The following IGBP1C variants were observed in gnomAD, a reference collection of about 807,000 sequenced individuals.
IGBP1C encodes IGBP1 family member C.
At chr17:58,667,591 A>C in the IGBP1C span, among the ~76,000 whole-genome samples, 1 of 152,294 alleles carries the variant, frequency 6.6e-6, no homozygotes, top group African/African-American at 2.4e-5. Flanking sequence ...GGCATGACAA[A>C]GATTCTTTGC....
chr17:58,664,023 C>G, the IGBP1C span, among the ~76,000 whole-genome samples: 1 of 152,156 alleles, frequency 6.6e-6, no homozygotes, highest in African/African-American at 2.4e-5. Flanking sequence ...GAGTGAGACC[C>G]TGTCTTAACC....
the IGBP1C span, among the ~76,000 whole-genome samples, chr17:58,683,457 G>A: frequency 1.3e-5 from 2 of 150,444 alleles, no homozygotes; most frequent in Non-Finnish European, 3.0e-5. Context: ...GAATCTAGTA[G>A]ATTATTTAAA....
chr17:58,689,368 A>G, the IGBP1C span, among the ~76,000 whole-genome samples: 31 of 151,800 alleles, frequency 2.0e-4, no homozygotes, highest in Non-Finnish European at 4.0e-4. Flanking sequence ...CTATAGGCAC[A>G]CATCAACATG....
the IGBP1C span, chr17:58,660,899 G>A: frequency 1.2e-6 from 1 of 825,324 alleles, no homozygotes; most frequent in Non-Finnish European, 2.2e-6. Flanking sequence ...CTGGTGACAT[G>A]AGTTAGAAGT....
the IGBP1C span, among the ~76,000 whole-genome samples, chr17:58,690,957 G>A: frequency 2.0e-5 from 3 of 152,104 alleles, no homozygotes; most frequent in Non-Finnish European, 4.4e-5. Context: ...AGGCTGAAGG[G>A]ATCCTCCCAC....
the IGBP1C span, among the ~76,000 whole-genome samples, chr17:58,670,771 T>TCAAAAAAAAAAAAAAAAAAAAAAAA: frequency 8.8e-4 from 7 of 7,956 alleles, 3 homozygotes; most frequent in African/African-American, 9.2e-4. Flanking sequence ...AGACTCCCTC[T>TCAAAAAAAAAAAAAAAAAAAAAAAA]TAAAAAAAAA....
the IGBP1C span, chr17:58,691,861 G>C: frequency 6.6e-6 from 1 of 152,058 alleles, no homozygotes; most frequent in Non-Finnish European, 1.5e-5. Context: ...ACCACAAAAG[G>C]AGCTCTTGTG....
the IGBP1C span, among the ~76,000 whole-genome samples, chr17:58,664,037 C>T: frequency 2.2e-4 from 33 of 152,238 alleles, no homozygotes; most frequent in Admixed American, 9.2e-4. Context: ...CTTAACCGCT[C>T]CCCCAGCAAC....
the IGBP1C span, chr17:58,661,729 T>A: frequency 8.7e-6 from 5 of 573,986 alleles, no homozygotes; most frequent in African/African-American, 9.4e-5. Context: ...GCGGTGGCGT[T>A]GGGGGCGGCA....
At chr17:58,678,517 C>T in the IGBP1C span, among the ~76,000 whole-genome samples, 4 of 152,066 alleles carry the variant, frequency 2.6e-5, no homozygotes, top group Non-Finnish European at 5.9e-5. Flanking sequence ...GAGTTCATGT[C>T]CTTTGTAGGG....
At chr17:58,668,978 G>C in the IGBP1C span, among the ~76,000 whole-genome samples, 1 of 152,176 alleles carries the variant, frequency 6.6e-6, no homozygotes, top group Non-Finnish European at 1.5e-5. Context: ...ACTGTTCTAG[G>C]TAGGCATAAA....
the IGBP1C span, among the ~76,000 whole-genome samples, chr17:58,668,305 C>T: frequency 6.6e-6 from 1 of 152,212 alleles, no homozygotes; most frequent in African/African-American, 2.4e-5. Flanking sequence ...GGTCTCTATA[C>T]CTATCCTGAT....
chr17:58,668,106 A>G, the IGBP1C span, among the ~76,000 whole-genome samples: 1 of 152,088 alleles, frequency 6.6e-6, no homozygotes. Context: ...TGATCACCCC[A>G]GCCTGTCTTC....
chr17:58,667,855 C>T, the IGBP1C span, among the ~76,000 whole-genome samples: 1 of 150,782 alleles, frequency 6.6e-6, no homozygotes, highest in Non-Finnish European at 1.5e-5. Flanking sequence ...ATCATGCCAC[C>T]GCACTCCAGC....
the IGBP1C span, among the ~76,000 whole-genome samples, chr17:58,684,577 G>A: frequency 6.6e-6 from 1 of 151,910 alleles, no homozygotes; most frequent in Non-Finnish European, 1.5e-5. Context: ...AGTGGTGGCA[G>A]TGAGAAGATC....
At chr17:58,680,453 T>A in the IGBP1C span, among the ~76,000 whole-genome samples, 1 of 152,146 alleles carries the variant, frequency 6.6e-6, no homozygotes, top group Non-Finnish European at 1.5e-5. Flanking sequence ...TAATTTTGAA[T>A]GAAGCAGGCC....
At chr17:58,673,449 C>T in the IGBP1C span, among the ~76,000 whole-genome samples, 1 of 151,044 alleles carries the variant, frequency 6.6e-6, no homozygotes, top group South Asian at 2.1e-4. Flanking sequence ...CGCCACTGCA[C>T]TCCAGCCTAC....
the IGBP1C span, among the ~76,000 whole-genome samples, chr17:58,689,499 G>C: frequency 2.0e-5 from 3 of 152,174 alleles, no homozygotes; most frequent in Non-Finnish European, 2.9e-5. Context: ...GATTACAGGA[G>C]TGAGCCACCG....
chr17:58,672,722 G>A, the IGBP1C span, among the ~76,000 whole-genome samples: 2 of 151,364 alleles, frequency 1.3e-5, no homozygotes, highest in Admixed American at 6.6e-5. Context: ...ATACCCAGTC[G>A]GCATTCCTTT....
Sources: gnomAD v4.1 joint callset for allele counts (sites outside exome capture counted in the v4.1 genomes callset) on GRCh38, gnomAD v4.1.1 for gene constraint, MANE v1.5 for transcripts, NCBI Gene and HGNC (gene_info 2026-07-23, HGNC 2026-07-21) for gene names.